Variants in FLRT2 observed in about 807,000 individuals in gnomAD.
The protein encoded by FLRT2 is leucine-rich repeat transmembrane protein FLRT2.
Under a neutral mutation model 40.0 loss-of-function variants are expected in FLRT2, and 15 were observed. The ratio of observed to expected loss-of-function variants is 0.38; its 90% CI spans 0.25 to 0.58. The LOEUF (loss-of-function observed/expected upper bound fraction) is 0.58, where lower values mean the gene tolerates loss of function less well. Ranked by LOEUF, FLRT2 falls within the 20% of genes least tolerant of loss-of-function variation. The pLI, the probability that FLRT2 is intolerant of heterozygous loss-of-function variation, is 0.71. For missense variants in FLRT2, 726 were observed against 840.0 expected (o/e 0.86, Z 1.68); for synonymous variants, 380 against 336.8 (o/e 1.13, Z -1.41).
intron 1 of FLRT2, among the ~76,000 whole-genome samples, chr14:85,598,479 A>C (rs1344961005): frequency 6.6e-6 from 1 of 152,218 alleles, no homozygotes; most frequent in Non-Finnish European, 1.5e-5. Context: ...GTGACACCAG[A>C]TACTGGGAGC....
intron 1 of FLRT2, among the ~76,000 whole-genome samples, chr14:85,618,905 G>A (rs376849565): frequency 6.6e-6 from 1 of 152,016 alleles, no homozygotes; most frequent in Admixed American, 6.6e-5. Flanking sequence ...CATTAAGATG[G>A]TTTGAAACCT....
chr14:85,642,500 T>C lies in FLRT2; in HGVS notation c.*19003T>C, dbSNP rs994007635. 6.6e-6 allele frequency: 1 copy of C among 152,140 alleles called. No homozygotes were observed. Among genetic ancestry groups the C allele is most frequent in the Non-Finnish European group, 1.5e-5 (1 of 68,020 alleles). The allele number at this position is 152,140 out of a possible 1,614,324, so 9.4% of individuals were successfully genotyped here. A position where few individuals can be genotyped will look rare whatever the true frequency, so the allele number is the denominator to read the frequency against. ...GTCTAGAGTTAGAGCTCGTTCCCAG[T>C]GTCTCAGTAGGGCTTAAATATGAAG... On this transcript the variant is annotated 3_prime_UTR_variant, in exon 2 of 2. Transcript: ENST00000330753.
chr14:85,588,816 C>T (rs752301897), intron 1 of FLRT2, among the ~76,000 whole-genome samples: 2 of 152,084 alleles, frequency 1.3e-5, no homozygotes, highest in Non-Finnish European at 2.9e-5. Context: ...TTCTATATGT[C>T]TATGAATTCA....
At chr14:85,604,198 T>C (rs1435423456) in intron 1 of FLRT2, among the ~76,000 whole-genome samples, 1 of 152,124 alleles carries the variant, frequency 6.6e-6, no homozygotes, top group Non-Finnish European at 1.5e-5. Context: ...TATAATCTGC[T>C]TTGTCTCCTT....
chr14:85,611,759 T>A (rs986246814), intron 1 of FLRT2, among the ~76,000 whole-genome samples: 1 of 152,196 alleles, frequency 6.6e-6, no homozygotes, highest in Admixed American at 6.5e-5. Context: ...TCATCACAGA[T>A]TTTACATTAT....
intron 1 of FLRT2, among the ~76,000 whole-genome samples, chr14:85,619,062 T>TA (rs1220467456): frequency 6.6e-6 from 1 of 151,374 alleles, no homozygotes; most frequent in Non-Finnish European, 1.5e-5. Flanking sequence ...TTAGGTTTTG[T>TA]AAAAAATTAA....
At chr14:85,569,108 T>C in intron 1 of FLRT2, among the ~76,000 whole-genome samples, 1 of 152,202 alleles carries the variant, frequency 6.6e-6, no homozygotes, top group East Asian at 1.9e-4. Context: ...TTTTTAGGCT[T>C]TGTGACAAAC....
rs1464698098 is a variant in FLRT2, at chr14:85,653,989, A to G, written c.*30492A>G. ...AAATGCTATTGCTCACCTCAAGTCA[A>G]TGTCACTTTGTATTAATGGATTTAG... On this transcript the variant is annotated 3_prime_UTR_variant, in exon 2 of 2. Coordinates refer to ENST00000330753, the MANE Select transcript of FLRT2 (RefSeq NM_013231.6). The G allele has an allele frequency of 6.6e-6, 1 of 152,186 alleles. No homozygotes were observed. The highest frequency in any genetic ancestry group is 1.9e-4 in the East Asian group (1 of 5,194). 9.4% of individuals were successfully genotyped at this position (152,186 alleles called of 1,614,324 possible).
At chr14:85,587,413 GAT>G (rs1891672510) in intron 1 of FLRT2, among the ~76,000 whole-genome samples, 1 of 152,064 alleles carries the variant, frequency 6.6e-6, no homozygotes, top group South Asian at 2.1e-4. Flanking sequence ...AGCTGTCCGA[GAT>G]TTTCCTGATT....
At chr14:85,545,541 T>C (rs1889231814) in intron 1 of FLRT2, among the ~76,000 whole-genome samples, 1 of 152,230 alleles carries the variant, frequency 6.6e-6, no homozygotes. Flanking sequence ...GATGAGCTGC[T>C]AACCAGTGGT....
intron 1 of FLRT2, among the ~76,000 whole-genome samples, chr14:85,545,590 C>G (rs1267537021): frequency 1.3e-5 from 2 of 152,162 alleles, no homozygotes; most frequent in South Asian, 4.1e-4. Context: ...AGACAACTGC[C>G]TAAGAAATCA....
chr14:85,569,120 C>T lies in FLRT2; in HGVS notation c.-377+38586C>T, dbSNP rs1271071403. Reference sequence around the variant, plus strand: ...GGATTTTTAGGCTTTGTGACAAACTCGTGAGGGCTCTTTGGGGACAAAGGA... The same window carrying T: ...GGATTTTTAGGCTTTGTGACAAACTTGTGAGGGCTCTTTGGGGACAAAGGA... On this transcript the variant is annotated intron_variant, in intron 1 of 1. Transcript: ENST00000330753. Among the ~76,000 whole-genome samples, 11 of 152,262 alleles carry T rather than the reference C, an allele frequency of 7.2e-5. No homozygotes were observed. In the East Asian group the frequency reaches 1.9e-3, roughly 27 times the overall value.
At chr14:85,574,380 T>C (rs1239324442) in intron 1 of FLRT2, among the ~76,000 whole-genome samples, 1 of 152,128 alleles carries the variant, frequency 6.6e-6, no homozygotes, top group Admixed American at 6.5e-5. Flanking sequence ...AATATTCGAA[T>C]CTTGTTTTAT....
At chr14:85,597,216 A>C (rs1892179449) in intron 1 of FLRT2, among the ~76,000 whole-genome samples, 1 of 152,178 alleles carries the variant, frequency 6.6e-6, no homozygotes, top group African/African-American at 2.4e-5. Context: ...GGAAAATGAG[A>C]GAATATATAT....
At chr14:85,567,759 G>GC (rs959440922) in intron 1 of FLRT2, among the ~76,000 whole-genome samples, 7 of 148,698 alleles carry the variant, frequency 4.7e-5, no homozygotes, top group African/African-American at 1.5e-4. Context: ...TTCCGCCTCA[G>GC]CCCTCCGAGT....
chr14:85,577,786 G>A (rs1046029282), intron 1 of FLRT2, among the ~76,000 whole-genome samples: 1 of 151,912 alleles, frequency 6.6e-6, no homozygotes, highest in Non-Finnish European at 1.5e-5. Context: ...TCACAGTGTT[G>A]CCCAGGCTGG....
At chr14:85,551,986 A>G (rs1411108321) in intron 1 of FLRT2, among the ~76,000 whole-genome samples, 2 of 152,212 alleles carry the variant, frequency 1.3e-5, no homozygotes, top group Non-Finnish European at 2.9e-5. Flanking sequence ...CATGTAGCAG[A>G]TGGACACCTT....
rs1894136116 is a variant in FLRT2, at chr14:85,640,990, G to C, written c.*17493G>C. On this transcript the variant is annotated 3_prime_UTR_variant, in exon 2 of 2. Transcript: ENST00000330753. Reference sequence around the variant, plus strand: ...TAATTTCCTCATAGATTTGGTATGAGTTAAAATGCATAGAAAGCATGTACT... The same window carrying C: ...TAATTTCCTCATAGATTTGGTATGACTTAAAATGCATAGAAAGCATGTACT... The C allele has an allele frequency of 6.6e-6, 1 of 152,180 alleles. No homozygotes were observed. Among genetic ancestry groups the C allele is most frequent in the African/African-American group, 2.4e-5 (1 of 41,446 alleles). The allele number at this position is 152,180 out of a possible 1,614,324, so 9.4% of individuals were successfully genotyped here. A position where few individuals can be genotyped will look rare whatever the true frequency, so the allele number is the denominator to read the frequency against.
intron 1 of FLRT2, among the ~76,000 whole-genome samples, chr14:85,579,700 T>C (rs1891300535): frequency 6.6e-6 from 1 of 152,196 alleles, no homozygotes; most frequent in African/African-American, 2.4e-5. Flanking sequence ...TAGTTTCTGG[T>C]TCATTTTAAC....
Sources: allele counts gnomAD v4.1 joint callset (sites outside exome capture counted in the v4.1 genomes callset), GRCh38; gene constraint gnomAD v4.1.1; transcripts MANE v1.5; gene names NCBI Gene and HGNC (gene_info 2026-07-23, HGNC 2026-07-21).